The following KLHL29 variants were observed in gnomAD, a reference collection of about 807,000 sequenced individuals.
The protein encoded by KLHL29 is kelch-like protein 29.
Under a neutral mutation model 80.4 loss-of-function variants are expected in KLHL29, and 21 were observed. The ratio of observed to expected loss-of-function variants is 0.26; its 90% CI spans 0.19 to 0.38. The LOEUF (loss-of-function observed/expected upper bound fraction) is 0.38. Among genes scored for constraint, KLHL29 ranks in the 10% least tolerant of loss-of-function variants. The probability of loss-of-function intolerance (pLI) is 1.00; values close to 1 mark genes in which losing one functional copy is unlikely to be tolerated. For synonymous variants in KLHL29, 511 were observed against 526.8 expected, an observed-to-expected ratio of 0.97 and a Z score of 0.41; for missense variants, 867 against 1,223.9, an observed-to-expected ratio of 0.71 and a Z score of 4.35.
At chr2:23,390,827 C>T (rs1445788040) in intron 1 of KLHL29, among the ~76,000 whole-genome samples, 2 of 151,632 alleles carry the variant, frequency 1.3e-5, no homozygotes, top group African/African-American at 2.4e-5. Context: ...AATTTTTTTG[C>T]ATTTTTAGTA....
At chr2:23,492,744 A>G (rs1223261344) in intron 2 of KLHL29, among the ~76,000 whole-genome samples, 2 of 152,186 alleles carry the variant, frequency 1.3e-5, no homozygotes, top group East Asian at 3.9e-4. Flanking sequence ...AAGGAAGGAA[A>G]AAGAGAGGTG....
intron 2 of KLHL29, among the ~76,000 whole-genome samples, chr2:23,549,370 T>G (rs1434226460): frequency 1.3e-5 from 2 of 152,204 alleles, no homozygotes; most frequent in Admixed American, 1.3e-4. Flanking sequence ...ACTGGAGATG[T>G]GAACTTGTCA....
intron 1 of KLHL29, among the ~76,000 whole-genome samples, chr2:23,409,080 T>A (rs1666800868): frequency 6.6e-6 from 1 of 152,168 alleles, no homozygotes; most frequent in Admixed American, 6.5e-5. Flanking sequence ...CCTGTTGTTG[T>A]TGAGCTTGGG....
rs1450058042 is a variant in KLHL29, at chr2:23,562,318, G to A, written c.122G>A (p.Gly41Asp). ...SICSVTSGAG[G>D]GTASSLSVRP... ...TGCAGTGTCACCTCGGGGGCCGGTG[G>A]CGGCACAGCCAGCAGCCTCAGCGTC... Residue 41 changes from glycine to aspartate, a missense_variant, in exon 3 of 14, where the codon GGC becomes GAC. Around this residue, in one of 2 missense-constraint regions of KLHL29, gnomAD observed 424 missense variants for 456.9 expected, o/e 0.93. Coordinates refer to ENST00000486442, the MANE Select transcript of KLHL29 (RefSeq NM_052920.2). The surrounding 1 kb of genome is among the most constrained non-coding windows in gnomAD (Gnocchi z 4.5). 3 of 1,545,110 alleles carry A rather than the reference G, an allele frequency of 1.9e-6. No individual in the cohort carries two copies. Among genetic ancestry groups the A allele is most frequent in the Admixed American group, 2.0e-5 (1 of 50,828 alleles).
intron 3 of KLHL29, among the ~76,000 whole-genome samples, chr2:23,578,694 A>G (rs892235542): frequency 1.3e-5 from 2 of 151,054 alleles, no homozygotes; most frequent in Admixed American, 6.5e-5. Flanking sequence ...TGAATTATCA[A>G]GTTGAATTGT....
chr2:23,686,355 T>C (rs186873132), intron 6 of KLHL29, among the ~76,000 whole-genome samples: 2 of 152,098 alleles, frequency 1.3e-5, no homozygotes, highest in East Asian at 3.9e-4. Flanking sequence ...ATCCCCACCT[T>C]GGCAGGTAGG....
At chr2:23,690,116 T>A (rs1671488540) in intron 6 of KLHL29, 2 of 152,206 alleles carry the variant, frequency 1.3e-5, no homozygotes, top group African/African-American at 4.8e-5. Flanking sequence ...CACCTCCCCC[T>A]CTCCTCCTGG....
intron 1 of KLHL29, among the ~76,000 whole-genome samples, chr2:23,412,751 G>A (rs1204071167): frequency 2.0e-5 from 3 of 152,218 alleles, no homozygotes; most frequent in Admixed American, 6.5e-5. Context: ...CAGACTGGGT[G>A]TAGCTGGCCA....
chr2:23,688,330 C>T (rs1319007649), intron 6 of KLHL29, among the ~76,000 whole-genome samples: 6 of 152,222 alleles, frequency 3.9e-5, no homozygotes, highest in Non-Finnish European at 7.3e-5. Context: ...GCCACCTGCC[C>T]CATGCCTGTC....
chr2:23,631,863 C>T (rs1315065850), intron 3 of KLHL29, among the ~76,000 whole-genome samples: 1 of 152,110 alleles, frequency 6.6e-6, no homozygotes, highest in Non-Finnish European at 1.5e-5. Context: ...TAAGCAAGAC[C>T]CAAAACTCTC....
chr2:23,578,580 C>T (rs182931549), intron 3 of KLHL29, among the ~76,000 whole-genome samples: 2 of 152,326 alleles, frequency 1.3e-5, no homozygotes, highest in African/African-American at 4.8e-5. Flanking sequence ...CTGCCTGTCT[C>T]TTTCCCTCTA....
chr2:23,434,099 A>T (rs1263826982), intron 1 of KLHL29, among the ~76,000 whole-genome samples: 2 of 151,998 alleles, frequency 1.3e-5, no homozygotes, highest in African/African-American at 4.8e-5. Flanking sequence ...AGACGGGCGG[A>T]TCACGAGGTC....
intron 3 of KLHL29, among the ~76,000 whole-genome samples, chr2:23,570,614 T>C (rs892766312): frequency 6.6e-6 from 1 of 152,164 alleles, no homozygotes; most frequent in Non-Finnish European, 1.5e-5. Flanking sequence ...CCCGGCCCAG[T>C]TGGAGCTGTG....
At chr2:23,658,325 G>C (rs931318327) in intron 5 of KLHL29, among the ~76,000 whole-genome samples, 4 of 152,162 alleles carry the variant, frequency 2.6e-5, no homozygotes, top group Non-Finnish European at 5.9e-5. Flanking sequence ...CCAGGGTGGG[G>C]AAGATGCCCC....
At position 23,680,641 on chromosome 2, in the gene KLHL29, C is replaced by T. The variant is rs910579625; in HGVS notation, c.941-3758C>T. On this transcript the variant is annotated intron_variant, in intron 5 of 13. Transcript: ENST00000486442. This position sits in a 1 kb window ranked among gnomAD's most constrained non-coding sequence, Gnocchi z 4.1. Reference sequence around the variant, plus strand: ...TCATGGGCTCTCTAGGCCATCTTCTCCTGGGGTCTCTAGGCCATCTTCTCC... The same window carrying T: ...TCATGGGCTCTCTAGGCCATCTTCTTCTGGGGTCTCTAGGCCATCTTCTCC... Among the ~76,000 whole-genome samples, 3 of 151,988 alleles carry T rather than the reference C, an allele frequency of 2.0e-5. No homozygotes were observed. The highest frequency in any genetic ancestry group is 4.8e-5 in the African/African-American group (2 of 41,372).
At chr2:23,550,222 C>T (rs1243721939) in intron 2 of KLHL29, among the ~76,000 whole-genome samples, 1 of 152,092 alleles carries the variant, frequency 6.6e-6, no homozygotes, top group Non-Finnish European at 1.5e-5. Context: ...GAGAAAAGGG[C>T]AGATCGTGCA....
chr2:23,631,567 C>A (rs1394231767), intron 3 of KLHL29, among the ~76,000 whole-genome samples: 1 of 152,220 alleles, frequency 6.6e-6, no homozygotes, highest in Non-Finnish European at 1.5e-5. Context: ...GGCCTGGGGC[C>A]AGGGGGCCAG....
chr2:23,448,116 C>G (rs1261424975), intron 1 of KLHL29, among the ~76,000 whole-genome samples: 1 of 152,040 alleles, frequency 6.6e-6, no homozygotes, highest in Non-Finnish European at 1.5e-5. Context: ...ACTTTGTATA[C>G]TAAGGACTTC....
intron 5 of KLHL29, among the ~76,000 whole-genome samples, chr2:23,675,279 A>G (rs72794293): frequency 0.17 from 25,336 of 151,852 alleles, 2,220 homozygotes; most frequent in Middle Eastern, 0.24. Flanking sequence ...CCAGGCACTT[A>G]CTCCAGCTGC....
Sources: gnomAD v4.1 joint callset for allele counts (sites outside exome capture counted in the v4.1 genomes callset) on GRCh38, gnomAD v4.1.1 for gene constraint, gnomAD v4.1.1 regional missense constraint, Gnocchi (gnomAD v3.1) non-coding constraint, MANE v1.5 for transcripts, NCBI Gene and HGNC (gene_info 2026-07-23, HGNC 2026-07-21) for gene names.